PPIL6: variants seen among roughly 807,000 people sequenced by gnomAD.
PPIL6 encodes the protein probable inactive peptidyl-prolyl cis-trans isomerase-like 6.
PPIL6 carries 39 observed loss-of-function variants against 36.8 expected under a neutral mutation model. The observed-to-expected ratio is 1.06, with a 90% CI of 0.82 to 1.38. PPIL6 has a LOEUF of 1.38. Among genes scored for constraint, PPIL6 ranks in the 40% most tolerant of loss-of-function variants. The pLI, the probability that PPIL6 is intolerant of heterozygous loss-of-function variation, is 0.00. For synonymous variants in PPIL6, 123 were observed against 134.1 expected, an observed-to-expected ratio of 0.92 and a Z score of 0.57; for missense variants, 368 against 379.1, an observed-to-expected ratio of 0.97 and a Z score of 0.24.
rs1237840324 is a variant in PPIL6, at chr6:109,391,296, AAAAAAAAAAAAAAAAAAAAAG to A, written c.*1509_*1529del. 1 of 127,140 alleles carries A rather than the reference AAAAAAAAAAAAAAAAAAAAAG, an allele frequency of 7.9e-6. No homozygotes were observed. Among genetic ancestry groups the A allele is most frequent in the African/African-American group, 4.5e-5 (1 of 22,038 alleles). 7.9% of individuals were successfully genotyped at this position (127,140 alleles called of 1,614,324 possible). On this transcript the variant is annotated 3_prime_UTR_variant, in exon 8 of 8. Coordinates refer to ENST00000521072, the MANE Select transcript of PPIL6 (RefSeq NM_173672.5). The stretch of plus-strand genomic sequence containing the variant: ...GAGTGAGATTCCGTCTCAAAAAAAA[AAAAAAAAAAAAAAAAAAAAAG>A]AAAAGCACTCTTAGTCTGGGCAGAG...
chr6:109,422,066 G>A (rs1363007870), intron 5 of PPIL6, among the ~76,000 whole-genome samples: 1 of 151,988 alleles, frequency 6.6e-6, no homozygotes, highest in Non-Finnish European at 1.5e-5. Flanking sequence ...TAGTAGAGAG[G>A]GGGGTTTCAC....
At chr6:109,406,238 G>A (rs969259512) in intron 6 of PPIL6, among the ~76,000 whole-genome samples, 1 of 149,580 alleles carries the variant, frequency 6.7e-6, no homozygotes, top group Non-Finnish European at 1.5e-5. Context: ...TTTTTTAAGA[G>A]ATGGGATCTC....
chr6:109,419,086 T>G, intron 6 of PPIL6, 101 bp downstream of exon 6: 1 of 786,580 alleles, frequency 1.3e-6, no homozygotes, highest in Non-Finnish European at 2.2e-6. Context: ...ACTGTAAGTA[T>G]TGCCCCCAGT....
At chr6:109,409,596 C>T (rs543704393) in intron 6 of PPIL6, among the ~76,000 whole-genome samples, 2 of 151,830 alleles carry the variant, frequency 1.3e-5, no homozygotes, top group Non-Finnish European at 2.9e-5. Context: ...GTCAAATTAT[C>T]CTTGTTTATA....
At position 109,423,038 on chromosome 6, in the gene PPIL6, G is replaced by A. The variant is rs372525793; in HGVS notation, c.632-3795C>T. ...CCACTTTTTTTTACAAGGGAACACT[G>A]AGGTAAGAATTTGGTATGTTCTCTT... On this transcript the variant is annotated intron_variant, in intron 5 of 7. Transcript: ENST00000521072. Among the ~76,000 whole-genome samples, 10 of 152,236 alleles carry A rather than the reference G, an allele frequency of 6.6e-5. No individual in the cohort carries two copies. In the South Asian group the frequency reaches 1.2e-3, roughly 19 times the overall value.
At position 109,424,247 on chromosome 6, in the gene PPIL6, C is replaced by T. The variant is rs547906658; in HGVS notation, c.631+2600G>A. On this transcript the variant is annotated intron_variant, in intron 5 of 7. Transcript: ENST00000521072. Reference sequence around the variant, plus strand: ...GGGCAGGGGGTGAAACAAGGGATACCTGCAGGAACAGGCTGGGCGGTATGT... The same window carrying T: ...GGGCAGGGGGTGAAACAAGGGATACTTGCAGGAACAGGCTGGGCGGTATGT... Among the ~76,000 whole-genome samples, 595 of 152,212 alleles carry T rather than the reference C, an allele frequency of 3.9e-3. 4 individuals carry two copies. Among genetic ancestry groups the T allele is most frequent in the African/African-American group, 0.014 (581 of 41,542 alleles).
chr6:109,411,144 C>T (rs1271274131), intron 6 of PPIL6, among the ~76,000 whole-genome samples: 1 of 152,154 alleles, frequency 6.6e-6, no homozygotes, highest in Admixed American at 6.5e-5. Flanking sequence ...TCTTGCCCCT[C>T]CAGGAGTCAC....
chr6:109,423,876 ACT>A (rs1353125529), intron 5 of PPIL6, among the ~76,000 whole-genome samples: 1 of 151,750 alleles, frequency 6.6e-6, no homozygotes, highest in Non-Finnish European at 1.5e-5. Context: ...TCCTTCTTAC[ACT>A]CTCTTCCTTC....
intron 3 of PPIL6, among the ~76,000 whole-genome samples, chr6:109,430,195 T>C (rs946809281): frequency 2.6e-5 from 4 of 152,256 alleles, no homozygotes; most frequent in South Asian, 2.1e-4. Context: ...GATCTTAGCA[T>C]TGGCTCACTG....
intron 2 of PPIL6, among the ~76,000 whole-genome samples, chr6:109,433,668 T>C (rs1467732969): frequency 6.6e-6 from 1 of 152,214 alleles, no homozygotes; most frequent in Non-Finnish European, 1.5e-5. Flanking sequence ...CTAAGGCCAG[T>C]TGAACCTAGT....
At chr6:109,433,053 A>G (rs1291072017) in intron 2 of PPIL6, among the ~76,000 whole-genome samples, 1 of 151,592 alleles carries the variant, frequency 6.6e-6, no homozygotes, top group Non-Finnish European at 1.5e-5. Context: ...CAGGACCCAA[A>G]ACTTTCTTTT....
At chr6:109,393,649 T>G (rs73531320) in intron 7 of PPIL6, among the ~76,000 whole-genome samples, 4,264 of 152,228 alleles carry the variant, frequency 0.028, 206 homozygotes, top group African/African-American at 0.096. Context: ...GCCTGCACAG[T>G]CTATCTCCCA....
intron 3 of PPIL6, among the ~76,000 whole-genome samples, chr6:109,429,388 G>A (rs1328730995): frequency 1.3e-5 from 2 of 152,192 alleles, no homozygotes; most frequent in South Asian, 4.1e-4. Context: ...CAACTCCTTC[G>A]TTCAGATGGA....
chr6:109,416,903 C>T (rs10080429), intron 6 of PPIL6, among the ~76,000 whole-genome samples: 69,017 of 151,918 alleles, frequency 0.45, 16,920 homozygotes, highest in African/African-American at 0.67. Context: ...CTTGGTGGCT[C>T]ACACTTGTAA....
At chr6:109,436,760 A>C (rs34320275) in intron 1 of PPIL6, among the ~76,000 whole-genome samples, 1 of 151,674 alleles carries the variant, frequency 6.6e-6, no homozygotes, top group Admixed American at 6.6e-5. Context: ...AACAAAAAAA[A>C]CTCTGTCTTA....
intron 5 of PPIL6, among the ~76,000 whole-genome samples, chr6:109,419,844 TAA>T (rs1393072797): frequency 6.6e-6 from 1 of 152,220 alleles, no homozygotes; most frequent in Non-Finnish European, 1.5e-5. Flanking sequence ...TTGTATTTTA[TAA>T]GCACTTTTAC....
In PPIL6 at chr6:109,436,209, G is replaced by GA. The variant is rs1562275964; in HGVS notation, c.136-11dup. 4 of 1,397,282 alleles carry GA rather than the reference G, an allele frequency of 2.9e-6. No homozygotes were observed. The Admixed American group carries it at 6.9e-5, about 24-fold the overall frequency. The allele number at this position is 1,397,282 out of a possible 1,614,324, so 86.6% of individuals were successfully genotyped here. On this transcript the variant is annotated splice_polypyrimidine_tract_variant and intron_variant, in intron 1 of 7. Coordinates refer to ENST00000521072, the MANE Select transcript of PPIL6 (RefSeq NM_173672.5). ...GATTATTCTTCAGATTCTGGATTTCGAAATAGAATAATTATTTTAGAGTTA... is the reference window on the plus strand; with the variant it reads ...GATTATTCTTCAGATTCTGGATTTCGAAAATAGAATAATTATTTTAGAGTTA...
chr6:109,435,336 T>A (rs944036916), intron 2 of PPIL6, among the ~76,000 whole-genome samples: 1 of 149,652 alleles, frequency 6.7e-6, no homozygotes, highest in African/African-American at 2.5e-5. Context: ...TCTCACTCTG[T>A]CACCAAGCTG....
At chr6:109,398,597 A>G (rs546569083) in intron 7 of PPIL6, among the ~76,000 whole-genome samples, 1 of 152,362 alleles carries the variant, frequency 6.6e-6, no homozygotes, top group Non-Finnish European at 1.5e-5. Flanking sequence ...AAGTATTTCT[A>G]TCATCCATTT....
Sources: gnomAD v4.1 joint callset for allele counts (sites outside exome capture counted in the v4.1 genomes callset) on GRCh38, gnomAD v4.1.1 for gene constraint, MANE v1.5 for transcripts, NCBI Gene and HGNC (gene_info 2026-07-23, HGNC 2026-07-21) for gene names.